The following FSTL5 variants were observed in gnomAD, a reference collection of about 807,000 sequenced individuals.
FSTL5 encodes the protein follistatin like 5, also known as follistatin-related protein 5.
In FSTL5, 62 loss-of-function variants were observed where a neutral mutation model predicts 89.1. The ratio of observed to expected loss-of-function variants is 0.70; its 90% CI spans 0.57 to 0.86. FSTL5 has a LOEUF of 0.86. FSTL5 is among the 40% of genes least tolerant of loss of function. FSTL5 has a pLI of 0.00. For missense variants in FSTL5, 1,057 were observed against 1,001.6 expected (o/e 1.06, Z -0.75); for synonymous variants, 383 against 346.2 (o/e 1.11, Z -1.18).
intron 4 of FSTL5, among the ~76,000 whole-genome samples, chr4:161,849,404 T>C (rs2126879218): frequency 6.6e-6 from 1 of 151,960 alleles, no homozygotes; most frequent in Admixed American, 6.6e-5. Context: ...TGGTTAAAAC[T>C]GCCGGAAAAA....
rs141662677 is a variant in FSTL5, at chr4:161,939,600, A to G, written c.161-18948T>C. ...ACTCTGGCTTGAAAATGATCAAATA[A>G]TGAGAAGGACTGTAGAGGAAGAATT... On this transcript the variant is annotated intron_variant, in intron 3 of 15. Transcript: ENST00000306100. Among the ~76,000 whole-genome samples the G allele has an allele frequency of 3.4e-3, 519 of 152,074 alleles. 3 individuals are homozygous for G. Among genetic ancestry groups the G allele is most frequent in the African/African-American group, 0.012 (499 of 41,532 alleles).
At chr4:162,077,619 C>G (rs1020428248) in intron 2 of FSTL5, among the ~76,000 whole-genome samples, 1 of 151,460 alleles carries the variant, frequency 6.6e-6, no homozygotes, top group Non-Finnish European at 1.5e-5. Context: ...AATTTGTACC[C>G]CTCACTAAAA....
intron 10 of FSTL5, among the ~76,000 whole-genome samples, chr4:161,529,639 A>T (rs1731344878): frequency 7.0e-6 from 1 of 141,932 alleles, no homozygotes; most frequent in Admixed American, 7.6e-5. Context: ...ATAGAATTAT[A>T]TTTAATAAAA....
At chr4:161,945,455 C>T (rs2110935891) in intron 3 of FSTL5, among the ~76,000 whole-genome samples, 1 of 152,094 alleles carries the variant, frequency 6.6e-6, no homozygotes, top group Admixed American at 6.6e-5. Context: ...AATGTGATCA[C>T]ATAAAATTAA....
At chr4:162,137,770 G>C (rs936032761) in intron 1 of FSTL5, among the ~76,000 whole-genome samples, 1 of 152,174 alleles carries the variant, frequency 6.6e-6, no homozygotes, top group African/African-American at 2.4e-5. Context: ...TTGTTTTCCA[G>C]AGGTGTTGCT....
chr4:161,821,338 A>G (rs1033788741), intron 4 of FSTL5, among the ~76,000 whole-genome samples: 1 of 152,222 alleles, frequency 6.6e-6, no homozygotes, highest in Non-Finnish European at 1.5e-5. Context: ...GCACATGGCC[A>G]GAAACAGGTT....
intron 3 of FSTL5, among the ~76,000 whole-genome samples, chr4:161,949,550 AT>A (rs925708365): frequency 6.6e-6 from 1 of 151,740 alleles, no homozygotes; most frequent in Non-Finnish European, 1.5e-5. Flanking sequence ...TATGTCTTCA[AT>A]TTTTTTCTGG....
chr4:161,578,033 A>G (rs1001839860), intron 8 of FSTL5, among the ~76,000 whole-genome samples: 2 of 152,132 alleles, frequency 1.3e-5, no homozygotes, highest in African/African-American at 4.8e-5. Context: ...ACAAAACTCA[A>G]TGCTTCGGCA....
At chr4:162,111,134 G>A (rs1731421174) in intron 2 of FSTL5, 137 bp downstream of exon 2, 4 of 652,948 alleles carry the variant, frequency 6.1e-6, no homozygotes, top group Non-Finnish European at 9.6e-6. Context: ...ATTAAAATGT[G>A]CATTTTAAAA....
In FSTL5 at chr4:161,587,530, T is replaced by C. The variant is rs1212185081; in HGVS notation, c.940A>G (p.Thr314Ala). 11 of 1,611,546 alleles carry C rather than the reference T, an allele frequency of 6.8e-6. No homozygotes were observed. Among genetic ancestry groups the C allele is most frequent in the Non-Finnish European group, 9.3e-6 (11 of 1,178,064 alleles). ...TAGCAGGTGTAATTGCCAACGTGAG[T>C]TGTGGTAACCTTAGTAATATACAAG... ...GSLYITKVTTTHVGNYTCYAD... is the reference protein window; with the variant it reads ...GSLYITKVTTAHVGNYTCYAD... Residue 314 changes from threonine to alanine, a missense_variant, in exon 8 of 16, where the codon ACT (threonine) becomes GCT (alanine). Physicochemically the swap from Thr to Ala is moderately conservative, Grantham distance 58. Coordinates refer to ENST00000306100, the MANE Select transcript of FSTL5 (RefSeq NM_020116.5).
At chr4:161,467,925 T>G (rs1733801868) in intron 13 of FSTL5, among the ~76,000 whole-genome samples, 1 of 152,112 alleles carries the variant, frequency 6.6e-6, no homozygotes, top group African/African-American at 2.4e-5. Flanking sequence ...TTATCTACAG[T>G]CAACAACATG....
At chr4:162,017,091 T>C in intron 3 of FSTL5, among the ~76,000 whole-genome samples, 1 of 152,212 alleles carries the variant, frequency 6.6e-6, no homozygotes, top group East Asian at 1.9e-4. Context: ...AGACATTCCC[T>C]CTGTACTTAT....
At chr4:161,917,588 G>T (rs751527288) in intron 4 of FSTL5, among the ~76,000 whole-genome samples, 1 of 151,988 alleles carries the variant, frequency 6.6e-6, no homozygotes, top group East Asian at 1.9e-4. Flanking sequence ...CACTGTTTGC[G>T]TATATATTTA....
intron 3 of FSTL5, among the ~76,000 whole-genome samples, chr4:161,940,024 G>A (rs901414107): frequency 2.0e-5 from 3 of 151,952 alleles, no homozygotes; most frequent in East Asian, 1.9e-4. Flanking sequence ...CAGCAGTGGT[G>A]CTGAAGACAT....
intron 1 of FSTL5, among the ~76,000 whole-genome samples, chr4:162,144,912 G>T (rs1732909712): frequency 6.7e-6 from 1 of 149,864 alleles, no homozygotes; most frequent in Non-Finnish European, 1.5e-5. Context: ...AAATTAAGAA[G>T]TGAGACTCCC....
At chr4:161,482,906 A>G (rs1729565686) in intron 12 of FSTL5, among the ~76,000 whole-genome samples, 1 of 152,262 alleles carries the variant, frequency 6.6e-6, no homozygotes, top group Non-Finnish European at 1.5e-5. Flanking sequence ...TCTTCTAAAC[A>G]GCACAGATTG....
chr4:161,986,457 C>A (rs1280780588), intron 3 of FSTL5, among the ~76,000 whole-genome samples: 1 of 152,092 alleles, frequency 6.6e-6, no homozygotes, highest in African/African-American at 2.4e-5. Context: ...GAGGCTGAGG[C>A]AGGAGAATCG....
chr4:161,997,899 C>T (rs1002527144), intron 3 of FSTL5, among the ~76,000 whole-genome samples: 4 of 152,054 alleles, frequency 2.6e-5, no homozygotes, highest in African/African-American at 2.4e-5. Flanking sequence ...CCACCGCGCC[C>T]GGCCAAGTGT....
chr4:161,752,663 C>T (rs890988577), intron 6 of FSTL5, among the ~76,000 whole-genome samples: 3 of 152,074 alleles, frequency 2.0e-5, no homozygotes, highest in Admixed American at 1.3e-4. Flanking sequence ...CATGGTGGTG[C>T]CCTGCTTTGG....
Sources: allele counts gnomAD v4.1 joint callset (sites outside exome capture counted in the v4.1 genomes callset), GRCh38; gene constraint gnomAD v4.1.1; transcripts MANE v1.5; gene names NCBI Gene and HGNC (gene_info 2026-07-23, HGNC 2026-07-21).